POLRMT: variants seen among roughly 807,000 people sequenced by gnomAD.
The protein encoded by POLRMT is RNA polymerase mitochondrial, also known as DNA-directed RNA polymerase, mitochondrial.
Under a neutral mutation model 132.2 loss-of-function variants are expected in POLRMT, and 114 were observed. That is an observed-to-expected ratio of 0.86 (90% confidence interval 0.74 to 1.01). The LOEUF (loss-of-function observed/expected upper bound fraction) is 1.01, where lower values mean the gene tolerates loss of function less well. POLRMT is among the 50% of genes least tolerant of loss of function. The probability of loss-of-function intolerance (pLI) is 0.00; values close to 1 mark genes in which losing one functional copy is unlikely to be tolerated. For synonymous variants in POLRMT, 1,020 were observed against 773.4 expected (o/e 1.32, Z -5.29); for missense variants, 2,003 against 1,729.1 (o/e 1.16, Z -2.81).
chr19:622,989 C>A lies in POLRMT; in HGVS notation c.1291-4G>T, dbSNP rs371924872. On this transcript the variant is annotated splice_region_variant and splice_polypyrimidine_tract_variant and intron_variant, in intron 6 of 20. Coordinates refer to ENST00000588649, the MANE Select transcript of POLRMT (RefSeq NM_005035.4). ...GCAGGGTCTTCAGGGTCTTCCGCTGCGGGGGATGAACGGGCCCGGTGAGCC... is the reference window on the plus strand; with the variant it reads ...GCAGGGTCTTCAGGGTCTTCCGCTGAGGGGGATGAACGGGCCCGGTGAGCC... The A allele has an allele frequency of 5.0e-6, 8 of 1,611,710 alleles. No homozygotes were observed. In the Admixed American group the frequency reaches 1.3e-4, roughly 27 times the overall value.
chr19:620,390 T>C lies in POLRMT; in HGVS notation c.2738A>G (p.Tyr913Cys), dbSNP rs766465757. The change falls in exon 11 of 21, where the codon TAT becomes TGT. Residue 913 changes from tyrosine to cysteine, a missense_variant. Tyr to Cys is a radical substitution (Grantham distance 194, BLOSUM62 -2). Transcript: ENST00000588649. Reference sequence around the variant, plus strand: ...CTGATGGACGGGGAGGTGGGAGACATAGGCGGCAGGGTCGGAGGCGCGCAC... The same window carrying C: ...CTGATGGACGGGGAGGTGGGAGACACAGGCGGCAGGGTCGGAGGCGCGCAC... ...NAVRASDPAA[Y>C]VSHLPVHQDG... 1.6e-5 allele frequency: 25 copies of C among 1,581,868 alleles called. No individual in the cohort carries two copies. Among genetic ancestry groups the C allele is most frequent in the Admixed American group, 7.2e-5 (4 of 55,794 alleles).
Position 619,100 on chromosome 19 carries a change from G to C in POLRMT, c.3164C>G (p.Thr1055Ser), listed in dbSNP as rs1482906495. 4 of 1,611,442 alleles carry C rather than the reference G, an allele frequency of 2.5e-6. No individual in the cohort carries two copies. Among genetic ancestry groups the C allele is most frequent in the Non-Finnish European group, 3.4e-6 (4 of 1,179,324 alleles). The change falls in exon 15 of 21, where the codon ACC becomes AGC. Residue 1055 changes from threonine (T) to serine (S), a missense_variant. Thr to Ser is a moderately conservative substitution (Grantham distance 58). Transcript: ENST00000588649. ...SGTRAIQHWL[T>S]ESARLISHMG... is the part of the protein sequence containing the mutation. ...GTGGGAGATGAGGCGGGCACTCTCG[G>C]TCAGCCAGTGCTGTGGGACACAGGC...
chr19:619,148 G>A (rs2144580980), intron 14 of POLRMT, 38 bp from the exon 15 acceptor site: 3 of 1,610,462 alleles, frequency 1.9e-6, no homozygotes, highest in Non-Finnish European at 1.7e-6. Flanking sequence ...GGGGGCTCAG[G>A]CCGGGGATCC....
chr19:621,915 T>A (rs1177449928), intron 9 of POLRMT, 69 bp from the exon 10 acceptor site: 3 of 1,536,440 alleles, frequency 2.0e-6, no homozygotes. Context: ...CCCTTAAACT[T>A]GGGTGAGAGG....
intron 3 of POLRMT, among the ~76,000 whole-genome samples, chr19:627,148 ATTT>A (rs869110035): frequency 0.16 from 19,497 of 119,092 alleles, 1,219 homozygotes; most frequent in South Asian, 0.29. Flanking sequence ...GTTTTGGGGC[ATTT>A]TTTTTTTTTT....
At chr19:620,528 G>A (rs777984100) in intron 10 of POLRMT, 41 bp from the exon 11 acceptor site, 24 of 1,500,418 alleles carry the variant, frequency 1.6e-5, no homozygotes, top group Admixed American at 2.2e-5. Context: ...GCCCGGGCCC[G>A]ATCCCTGAGC....
rs1985245205 is a variant in POLRMT at position 629,448 on chromosome 19, T to TG, written c.822+91dup. The stretch of plus-strand genomic sequence containing the variant: ...AAATAAAAAACAAAGGACTTGAACC[T>TG]GGGGGCTAAGAGAGAAAAGTCCAGT... On this transcript the variant is annotated intron_variant, in intron 3 of 20. Coordinates refer to ENST00000588649, the MANE Select transcript of POLRMT (RefSeq NM_005035.4). 6 of 1,247,520 alleles carry TG rather than the reference T, an allele frequency of 4.8e-6. No homozygotes were observed. The South Asian group carries it at 9.8e-5, about 20-fold the overall frequency. The allele number at this position is 1,247,520 out of a possible 1,614,324, so 77.3% of individuals were successfully genotyped here.
intron 3 of POLRMT, among the ~76,000 whole-genome samples, chr19:628,510 C>G (rs1257129532): frequency 6.6e-6 from 1 of 152,202 alleles, no homozygotes. Context: ...ACATCAAGTT[C>G]TCTACCACGA....
At chr19:626,882 AAT>A (rs1327071014) in intron 3 of POLRMT, among the ~76,000 whole-genome samples, 4 of 101,582 alleles carry the variant, frequency 3.9e-5, no homozygotes, top group Admixed American at 2.8e-4. Flanking sequence ...TCTGTCTTAA[AAT>A]ATACACACAC....
Position 619,993 on chromosome 19 carries a change from C to A in POLRMT, c.2851G>T (p.Val951Leu). 6.3e-7 allele frequency: 1 copy of A among 1,594,904 alleles called. No individual in the cohort carries two copies. The highest frequency in any genetic ancestry group is 8.5e-7 in the Non-Finnish European group (1 of 1,174,770). Residue 951 changes from valine to leucine, a missense_variant, in exon 12 of 21, where the codon GTG becomes TTG. Coordinates refer to ENST00000588649, the MANE Select transcript of POLRMT (RefSeq NM_005035.4). ...AASVNLEPSD[V>L]PQDVYSGVAA... ...ACGCCGCTGTACACGTCCTGCGGCA[C>A]ATCCGAGGGCTCCAGGTTGACGGAG...
chr19:630,692 G>C (rs1450934822), intron 2 of POLRMT, among the ~76,000 whole-genome samples: 1 of 152,096 alleles, frequency 6.6e-6, no homozygotes, highest in Non-Finnish European at 1.5e-5. Context: ...GACCCCCCCA[G>C]CTGGTGGAGC....
chr19:617,229 G>T lies in POLRMT; in HGVS notation c.*45C>A, dbSNP rs1404735666. On this transcript the variant is annotated 3_prime_UTR_variant, in exon 21 of 21. Coordinates refer to ENST00000588649, the MANE Select transcript of POLRMT (RefSeq NM_005035.4). ...TTCCTGAAGACAGTGGCTCCTGGGG[G>T]TGGCAAAAGAGCTTTATTTACACAC... is the stretch of plus-strand genomic sequence containing the variant. 1 of 1,604,820 alleles carries T rather than the reference G, an allele frequency of 6.2e-7. No homozygotes were observed. The highest frequency in any genetic ancestry group is 8.5e-7 in the Non-Finnish European group (1 of 1,173,814).
chr19:625,546 C>T, intron 3 of POLRMT: 1 of 352,548 alleles, frequency 2.8e-6, no homozygotes, highest in Non-Finnish European at 5.1e-6. Context: ...TTTCAAAGGA[C>T]TGACTTGGCT....
Position 620,091 on chromosome 19 carries a change from G to A in POLRMT, c.2764-11C>T, listed in dbSNP as rs750307750. On this transcript the variant is annotated splice_polypyrimidine_tract_variant and intron_variant, in intron 11 of 20. Transcript: ENST00000588649. ...GTTGCAAGAGCCGTCCTGAGGAAGGGGCGGCAAACGGGAGATGGAAGCTAG... is the reference window on the plus strand; with the variant it reads ...GTTGCAAGAGCCGTCCTGAGGAAGGAGCGGCAAACGGGAGATGGAAGCTAG... 9 of 1,537,150 alleles carry A rather than the reference G, an allele frequency of 5.9e-6. No homozygotes were observed. The highest frequency in any genetic ancestry group is 2.4e-5 in the East Asian group (1 of 41,042).
In POLRMT at chr19:629,729, C is replaced by T. The variant is rs373788703; in HGVS notation, c.633G>A (p.Ser211=). The change falls in exon 3 of 21, where the codon TCG becomes TCA. Residue 211 remains serine (S), a synonymous_variant. Coordinates refer to ENST00000588649, the MANE Select transcript of POLRMT (RefSeq NM_005035.4). The stretch of plus-strand genomic sequence containing the variant: ...AGAGCTGGGCCTGCGAGTGCTGCCC[C>T]GACGGGGCCTGCTCCACATCGAGGC... ...KLSLDVEQAP[S]GQHSQAQLSG... 4.2e-5 allele frequency: 67 copies of T among 1,583,530 alleles called. No homozygotes were observed. Among genetic ancestry groups the T allele is most frequent in the Middle Eastern group, 2.3e-4 (1 of 4,398 alleles).
Position 619,979 on chromosome 19 carries a change from C to T in POLRMT, c.2865G>A (p.Val955=), listed in dbSNP as rs758500636. ...NLEPSDVPQD[V]YSGVAAQVEV... is the part of the protein sequence containing the mutation. The stretch of plus-strand genomic sequence containing the variant: ...CTACCTGCGCGGCCACGCCGCTGTA[C>T]ACGTCCTGCGGCACATCCGAGGGCT... The change falls in exon 12 of 21, where the codon GTG becomes GTA. Residue 955 remains valine, a synonymous_variant. Transcript: ENST00000588649. 9 of 1,599,280 alleles carry T rather than the reference C, an allele frequency of 5.6e-6. 1 individual carries two copies. Among genetic ancestry groups the T allele is most frequent in the East Asian group, 2.2e-5 (1 of 44,600 alleles).
intron 17 of POLRMT, 198 bp downstream of exon 17, chr19:618,290 C>T (rs1366524254): frequency 3.5e-6 from 2 of 576,522 alleles, no homozygotes; most frequent in East Asian, 5.7e-5. Flanking sequence ...CCCTGTCGGG[C>T]CACAGGAGGG....
At position 621,446 on chromosome 19, in the gene POLRMT, G is replaced by A. The variant is rs1252259962; in HGVS notation, c.2252C>T (p.Ala751Val). ...PPEAHLPHSA[A>V]PARKAELRRE... ...GCGCAGCTCGGCCTTGCGGGCGGGC[G>A]CGGCGCTGTGCGGCAGGTGGGCCTC... is the stretch of plus-strand genomic sequence containing the variant. Residue 751 changes from alanine to valine, a missense_variant, in exon 10 of 21, where the codon GCG (alanine) becomes GTG (valine). Transcript: ENST00000588649. 61 of 1,395,890 alleles carry A rather than the reference G, an allele frequency of 4.4e-5. No homozygotes were observed. The highest frequency in any genetic ancestry group is 5.5e-5 in the Non-Finnish European group (60 of 1,082,382). The allele number at this position is 1,395,890 out of a possible 1,614,324, so 86.5% of individuals were successfully genotyped here.
In POLRMT at chr19:629,585, G is replaced by C; in HGVS notation, c.777C>G (p.Leu259=). 1 of 1,591,916 alleles carries C rather than the reference G, an allele frequency of 6.3e-7. No homozygotes were observed. The highest frequency in any genetic ancestry group is 8.5e-7 in the Non-Finnish European group (1 of 1,170,250). The part of the protein sequence containing the change: ...HHGQRQKRKL[L]TLDMYNAVML... ...TCACGGCGTTGTACATGTCCAGCGT[G>C]AGCAGCTTCCGCTTCTGCCGCTGGC... is the stretch of plus-strand genomic sequence containing the variant. The change falls in exon 3 of 21, where the codon CTC becomes CTG. Residue 259 remains leucine, a synonymous_variant. Transcript: ENST00000588649.
Sources: gnomAD v4.1 joint callset for allele counts (sites outside exome capture counted in the v4.1 genomes callset) on GRCh38, gnomAD v4.1.1 for gene constraint, MANE v1.5 for transcripts, NCBI Gene and HGNC (gene_info 2026-07-23, HGNC 2026-07-21) for gene names.